Variants in DCC observed in about 807,000 individuals in gnomAD.
The protein encoded by DCC is DCC netrin 1 receptor.
Under a neutral mutation model 172.5 loss-of-function variants are expected in DCC, and 58 were observed. The ratio of observed to expected loss-of-function variants is 0.34; its 90% CI spans 0.27 to 0.42. DCC has a LOEUF of 0.42. Among genes scored for constraint, DCC ranks in the 10% least tolerant of loss-of-function variants. The pLI is 1.00. For synonymous variants in DCC, 709 were observed against 644.5 expected, an observed-to-expected ratio of 1.10 and a Z score of -1.52; for missense variants, 1,740 against 1,791.0, an observed-to-expected ratio of 0.97 and a Z score of 0.51.
chr18:52,522,373 C>A (rs1010834789), intron 1 of DCC, among the ~76,000 whole-genome samples: 2 of 152,112 alleles, frequency 1.3e-5, no homozygotes. Context: ...TTGTTCTCTT[C>A]CAGGTGTAGT....
chr18:53,075,986 A>G (rs2042720137), intron 7 of DCC, among the ~76,000 whole-genome samples: 1 of 152,172 alleles, frequency 6.6e-6, no homozygotes, highest in South Asian at 2.1e-4. Context: ...CTGGTCATAT[A>G]TGCTGTACTA....
rs181184333 is a variant in DCC at position 53,421,088 on chromosome 18, G to A, written c.3163+4932G>A. Among the ~76,000 whole-genome samples, 4 of 152,256 alleles carry A rather than the reference G, an allele frequency of 2.6e-5. No individual in the cohort carries two copies. The East Asian group carries it at 7.7e-4, about 29-fold the overall frequency. On this transcript the variant is annotated intron_variant, in intron 21 of 28. Transcript: ENST00000442544. ...CCCTTTGTTTTGAGTTTGCAATGGAGGTTAGCTGTAACTCTGAAACATGAC... is the reference window on the plus strand; with the variant it reads ...CCCTTTGTTTTGAGTTTGCAATGGAAGTTAGCTGTAACTCTGAAACATGAC...
At chr18:53,410,408 G>C in intron 19 of DCC, 44 bp from the exon 20 acceptor site, 1 of 1,211,878 alleles carries the variant, frequency 8.3e-7, no homozygotes, top group Non-Finnish European at 1.2e-6. Context: ...CAGAACTGCA[G>C]CGTGTAGGAC....
chr18:53,259,117 A>T (rs867106614), intron 12 of DCC, among the ~76,000 whole-genome samples: 1 of 151,932 alleles, frequency 6.6e-6, no homozygotes, highest in African/African-American at 2.4e-5. Context: ...TGCACATGAG[A>T]TGGGTTTCCT....
chr18:52,543,180 G>A (rs1052474060), intron 1 of DCC, among the ~76,000 whole-genome samples: 19 of 152,296 alleles, frequency 1.2e-4, no homozygotes, highest in African/African-American at 3.1e-4. Flanking sequence ...AGAGAAAGAT[G>A]TGTAGTTTTA....
chr18:52,497,044 A>C (rs2030782825), intron 1 of DCC, among the ~76,000 whole-genome samples: 1 of 151,664 alleles, frequency 6.6e-6, no homozygotes, highest in African/African-American at 2.4e-5. Context: ...CCTCAAGCCC[A>C]GAAGTTCAAG....
At chr18:52,824,815 C>G (rs544098899) in intron 2 of DCC, among the ~76,000 whole-genome samples, 2 of 151,932 alleles carry the variant, frequency 1.3e-5, no homozygotes, top group African/African-American at 4.8e-5. Context: ...TACTAAAATA[C>G]AAAAATTAGC....
rs550830229 is a variant in DCC at position 53,473,093 on chromosome 18, G to A, written c.3736+5083G>A. On this transcript the variant is annotated intron_variant, in intron 25 of 28. Coordinates refer to ENST00000442544, the MANE Select transcript of DCC (RefSeq NM_005215.4). ...TCCAAAGACCAGAGTAGATATTGAT[G>A]CTCTTACAAATGCTTTTCTGATTAC... Among the ~76,000 whole-genome samples, 77 of 152,174 alleles carry A rather than the reference G, an allele frequency of 5.1e-4. No homozygotes were observed. In the Middle Eastern group the frequency reaches 0.017, roughly 34 times the overall value.
At chr18:52,595,889 A>T (rs2033900875) in intron 1 of DCC, among the ~76,000 whole-genome samples, 1 of 152,164 alleles carries the variant, frequency 6.6e-6, no homozygotes, top group South Asian at 2.1e-4. Context: ...AAAACTTCTG[A>T]GTTACAGAGC....
intron 2 of DCC, among the ~76,000 whole-genome samples, chr18:52,802,632 C>G (rs1449147732): frequency 1.5e-5 from 2 of 135,446 alleles, no homozygotes; most frequent in South Asian, 2.5e-4. Flanking sequence ...GTACACATCA[C>G]CACGCCAAGC....
At chr18:52,967,216 C>T (rs2040948031) in intron 5 of DCC, among the ~76,000 whole-genome samples, 1 of 152,138 alleles carries the variant, frequency 6.6e-6, no homozygotes, top group African/African-American at 2.4e-5. Context: ...CTTGTTTTAA[C>T]CATTTTATAT....
At chr18:52,722,796 C>G (rs2036493365) in intron 1 of DCC, among the ~76,000 whole-genome samples, 1 of 152,290 alleles carries the variant, frequency 6.6e-6, no homozygotes, top group Admixed American at 6.5e-5. Flanking sequence ...ATTTCCTGTA[C>G]TTCCCTTTCT....
chr18:52,437,815 G>C (rs566678014), intron 1 of DCC, among the ~76,000 whole-genome samples: 1 of 152,288 alleles, frequency 6.6e-6, no homozygotes, highest in Non-Finnish European at 1.5e-5. Flanking sequence ...TATTCAAGAA[G>C]AGTTAAAATT....
intron 15 of DCC, among the ~76,000 whole-genome samples, chr18:53,360,362 A>T (rs1178765337): frequency 6.6e-6 from 1 of 152,142 alleles, no homozygotes; most frequent in African/African-American, 2.4e-5. Flanking sequence ...TATGTGAGTT[A>T]TTTACATATT....
At chr18:52,854,618 G>A (rs1234408894) in intron 2 of DCC, among the ~76,000 whole-genome samples, 1 of 152,192 alleles carries the variant, frequency 6.6e-6, no homozygotes, top group Admixed American at 6.5e-5. Flanking sequence ...AGACTCACAT[G>A]CACCCTAGAC....
At chr18:53,345,970 AT>A (rs1035544814) in intron 15 of DCC, among the ~76,000 whole-genome samples, 6 of 151,346 alleles carry the variant, frequency 4.0e-5, no homozygotes, top group East Asian at 1.9e-4. Flanking sequence ...GATTATTTGA[AT>A]TTTTTTGTTT....
intron 1 of DCC, among the ~76,000 whole-genome samples, chr18:52,395,358 G>GA (rs1410288809): frequency 3.3e-5 from 5 of 152,042 alleles, no homozygotes; most frequent in Admixed American, 2.0e-4. Flanking sequence ...TGGTTGGAGA[G>GA]AAAAAACCAA....
chr18:52,704,260 G>A (rs986799860), intron 1 of DCC, among the ~76,000 whole-genome samples: 5 of 151,802 alleles, frequency 3.3e-5, no homozygotes, highest in African/African-American at 1.2e-4. Flanking sequence ...ACTTTTACAC[G>A]GAACAGCTTA....
chr18:52,924,593 A>G (rs2040173275), intron 4 of DCC, among the ~76,000 whole-genome samples: 1 of 152,006 alleles, frequency 6.6e-6, no homozygotes, highest in South Asian at 2.1e-4. Context: ...ATCTTACTTA[A>G]TTTCATTGAT....
Sources: allele counts gnomAD v4.1 joint callset (sites outside exome capture counted in the v4.1 genomes callset), GRCh38; gene constraint gnomAD v4.1.1; transcripts MANE v1.5; gene names NCBI Gene and HGNC (gene_info 2026-07-23, HGNC 2026-07-21).